Variants in POMT2 observed in about 807,000 individuals in gnomAD.
The protein encoded by POMT2 is protein O-mannosyltransferase 2, also known as protein O-mannosyl-transferase 2.
A neutral mutation model predicts 100.0 loss-of-function variants in POMT2; 75 were observed. The ratio of observed to expected loss-of-function variants is 0.75; its 90% CI spans 0.62 to 0.91. POMT2 has a LOEUF of 0.91. POMT2 is among the 40% of genes least tolerant of loss of function. The probability of loss-of-function intolerance (pLI) is 0.00; values close to 1 mark genes in which losing one functional copy is unlikely to be tolerated. For synonymous variants in POMT2, 378 were observed against 374.1 expected (o/e 1.01, Z -0.12); for missense variants, 940 against 955.1 (o/e 0.98, Z 0.21).
intron 6 of POMT2, chr14:77,300,356 A>C (rs1337675001): frequency 6.5e-6 from 1 of 154,516 alleles, no homozygotes; most frequent in Non-Finnish European, 1.4e-5. Flanking sequence ...CTCATTTGAA[A>C]ATCAGGGTAA....
At chr14:77,278,892 A>C (rs749199820) in intron 18 of POMT2, 23 bp from the exon 19 acceptor site, 1 of 1,610,940 alleles carries the variant, frequency 6.2e-7, no homozygotes, top group South Asian at 1.1e-5. Context: ...AGCACAGCCC[A>C]GTCAGAAGAC....
intron 3 of POMT2, among the ~76,000 whole-genome samples, chr14:77,305,231 G>A (rs1237615498): frequency 6.6e-6 from 1 of 152,198 alleles, no homozygotes; most frequent in Non-Finnish European, 1.5e-5. Context: ...GAATTTTAAG[G>A]AACCCCTAGT....
chr14:77,308,742 A>G (rs1295838292), intron 2 of POMT2: 2 of 454,392 alleles, frequency 4.4e-6, no homozygotes, highest in South Asian at 1.6e-5. Flanking sequence ...GGGAGTATAT[A>G]TGATTACAAC....
chr14:77,304,055 G>C (rs1416199931), intron 4 of POMT2, among the ~76,000 whole-genome samples: 1 of 152,212 alleles, frequency 6.6e-6, no homozygotes, highest in East Asian at 1.9e-4. Flanking sequence ...CAATAATCTT[G>C]CAATCTATCT....
intron 18 of POMT2, chr14:77,279,220 A>G (rs1457265157): frequency 2.5e-6 from 1 of 401,954 alleles, no homozygotes; most frequent in East Asian, 6.0e-5. Flanking sequence ...GACAGGCGCT[A>G]AGGTGAGGTT....
chr14:77,318,249 T>C (rs1566664966), intron 1 of POMT2, among the ~76,000 whole-genome samples: 1 of 152,154 alleles, frequency 6.6e-6, no homozygotes, highest in Non-Finnish European at 1.5e-5. Context: ...GCAGCAACTG[T>C]GGCTGGCAAT....
At chr14:77,313,683 T>TTTTTGTTTTG (rs374399507) in intron 1 of POMT2, among the ~76,000 whole-genome samples, 1 of 152,130 alleles carries the variant, frequency 6.6e-6, no homozygotes, top group Admixed American at 6.5e-5. Flanking sequence ...GATTCCAGTT[T>TTTTTGTTTTG]TTTTGTTTTG....
intron 1 of POMT2, among the ~76,000 whole-genome samples, chr14:77,316,345 G>A (rs775911801): frequency 1.4e-4 from 21 of 152,150 alleles, no homozygotes; most frequent in Non-Finnish European, 2.9e-4. Context: ...GGCTGAGGCA[G>A]GAGGATGGCT....
rs4141640 is a variant in POMT2 at position 77,275,875 on chromosome 14, C to T, written c.*1501G>A. On this transcript the variant is annotated 3_prime_UTR_variant, in exon 21 of 21. Coordinates refer to ENST00000261534, the MANE Select transcript of POMT2 (RefSeq NM_013382.7). ...ACATTAATGATGGTTGGTCTGAATG[C>T]CCAAGCATGGCCAGAAGCTTCCCTC... 126,937 of 152,562 alleles carry T rather than the reference C, an allele frequency of 0.83. 52,990 individuals carry two copies. The highest frequency in any genetic ancestry group is 0.95 in the East Asian group (4,930 of 5,180). The allele number at this position is 152,562 out of a possible 1,614,324, so 9.5% of individuals were successfully genotyped here.
At chr14:77,310,998 T>C (rs1384729196) in intron 2 of POMT2, among the ~76,000 whole-genome samples, 33 of 152,198 alleles carry the variant, frequency 2.2e-4, no homozygotes, top group Admixed American at 2.2e-3. Context: ...GCCAGCGTGG[T>C]GGCGGGCGCC....
At chr14:77,302,336 A>G (rs1468512591) in intron 5 of POMT2, among the ~76,000 whole-genome samples, 2 of 152,176 alleles carry the variant, frequency 1.3e-5, no homozygotes, top group Admixed American at 1.3e-4. Context: ...CAACCTTTAC[A>G]TATGCTATTC....
intron 1 of POMT2, among the ~76,000 whole-genome samples, chr14:77,317,687 G>T (rs1181519622): frequency 1.3e-5 from 2 of 152,152 alleles, no homozygotes; most frequent in East Asian, 3.8e-4. Flanking sequence ...CTACCAACTG[G>T]GTAATGATCA....
intron 13 of POMT2, 180 bp from the exon 14 acceptor site, chr14:77,285,221 T>C (rs1890377355): frequency 1.4e-6 from 1 of 720,864 alleles, no homozygotes; most frequent in Admixed American, 2.6e-5. Context: ...ATTCCCATTT[T>C]AGAAAAAGAC....
chr14:77,298,340 A>G (rs1890903272), intron 8 of POMT2, among the ~76,000 whole-genome samples: 1 of 152,228 alleles, frequency 6.6e-6, no homozygotes, highest in African/African-American at 2.4e-5. Flanking sequence ...ACCATCTGTC[A>G]TAGATGAACG....
intron 11 of POMT2, 166 bp from the exon 12 acceptor site, chr14:77,286,988 A>G (rs969031870): frequency 1.4e-6 from 2 of 1,381,298 alleles, no homozygotes; most frequent in Admixed American, 2.1e-5. Context: ...CTCACAAGAA[A>G]TATCCTGAGA....
intron 18 of POMT2, chr14:77,279,486 A>AG (rs959683445): frequency 1.2e-5 from 6 of 498,890 alleles, no homozygotes; most frequent in Admixed American, 2.3e-5. Context: ...GCTAAAAGTG[A>AG]GGGCTGTGGA....
At chr14:77,318,741 T>TTTC (rs951903475) in intron 1 of POMT2, among the ~76,000 whole-genome samples, 1 of 151,456 alleles carries the variant, frequency 6.6e-6, no homozygotes, top group African/African-American at 2.4e-5. Flanking sequence ...GTTAATTTTT[T>TTTC]TTTTTTTTTT....
intron 3 of POMT2, 90 bp downstream of exon 3, chr14:77,306,247 T>C: frequency 6.4e-7 from 1 of 1,573,920 alleles, no homozygotes; most frequent in African/African-American, 1.3e-5. Flanking sequence ...TATTTGCACC[T>C]GCCACCACGC....
Position 77,298,783 on chromosome 14 carries a change from G to A in POMT2, c.924-12C>T, listed in dbSNP as rs757386148. On this transcript the variant is annotated splice_polypyrimidine_tract_variant and intron_variant, in intron 7 of 20. Transcript: ENST00000261534. ...CGTCACCAGGGCCACTGTGGGGAGA[G>A]GAAGAGCAGAAGAGAGTCAAGTTAA... 3.1e-6 allele frequency: 5 copies of A among 1,610,040 alleles called. No homozygotes were observed. The highest frequency in any genetic ancestry group is 1.1e-5 in the South Asian group (1 of 90,156).
Sources: allele counts gnomAD v4.1 joint callset (sites outside exome capture counted in the v4.1 genomes callset), GRCh38; gene constraint gnomAD v4.1.1; transcripts MANE v1.5; gene names NCBI Gene and HGNC (gene_info 2026-07-23, HGNC 2026-07-21).